The following WDR26 variants were observed in gnomAD, a reference collection of about 807,000 sequenced individuals.
WDR26 encodes the protein WD repeat-containing protein 26.
WDR26 carries 5 observed loss-of-function variants against 84.1 expected under a neutral mutation model. The ratio of observed to expected loss-of-function variants is 0.06; its 90% CI spans 0.03 to 0.13. WDR26 has a LOEUF of 0.13. Ranked by LOEUF, WDR26 falls within the 10% of genes least tolerant of loss-of-function variation. The probability of loss-of-function intolerance (pLI) is 1.00; values close to 1 mark genes in which losing one functional copy is unlikely to be tolerated. For synonymous variants in WDR26, 415 were observed against 389.6 expected (o/e 1.07, Z -0.77); for missense variants, 642 against 974.9 (o/e 0.66, Z 4.55).
At chr1:224,433,593 GCCC>G (rs929848020) in intron 1 of WDR26, 88 bp downstream of exon 1, 21 of 829,788 alleles carry the variant, frequency 2.5e-5, no homozygotes, top group Non-Finnish European at 1.8e-6. Flanking sequence ...GCTCTTTCAA[GCCC>G]CCCTCCCCCC....
At chr1:224,407,410 A>C in intron 7 of WDR26, among the ~76,000 whole-genome samples, 1 of 148,884 alleles carries the variant, frequency 6.7e-6, no homozygotes, top group East Asian at 1.9e-4. Context: ...TTGGAATCAC[A>C]TCAACTCAAA....
At chr1:224,417,033 A>ACTTTATCT (rs1353641355) in intron 6 of WDR26, among the ~76,000 whole-genome samples, 1 of 152,230 alleles carries the variant, frequency 6.6e-6, no homozygotes, top group Admixed American at 6.5e-5. Flanking sequence ...ATTTTAAGAT[A>ACTTTATCT]AAGTAAGGCC....
At chr1:224,391,363 C>CAAA (rs869213487) in intron 13 of WDR26, among the ~76,000 whole-genome samples, 4 of 89,118 alleles carry the variant, frequency 4.5e-5, no homozygotes, top group East Asian at 3.3e-4. Flanking sequence ...AACTCTGTCT[C>CAAA]AAAAAAAAAA....
In WDR26 at chr1:224,401,079, A is replaced by G. The variant is rs1673399712; in HGVS notation, c.1600-10T>C. ...TCCTTAGTTCTCCTGTCTATAAGGA[A>G]ATAAAACTGTAAATGAGACCTTCAA... On this transcript the variant is annotated splice_polypyrimidine_tract_variant and intron_variant, in intron 8 of 13. Transcript: ENST00000414423. 6.2e-7 allele frequency: 1 copy of G among 1,610,890 alleles called. No individual in the cohort carries two copies. Among genetic ancestry groups the G allele is most frequent in the South Asian group, 1.1e-5 (1 of 90,720 alleles).
chr1:224,410,093 C>T (rs914663329), intron 7 of WDR26, among the ~76,000 whole-genome samples: 3 of 151,718 alleles, frequency 2.0e-5, no homozygotes, highest in Admixed American at 2.0e-4. Flanking sequence ...CCAGTCTGGC[C>T]AACATGGTGA....
intron 6 of WDR26, among the ~76,000 whole-genome samples, chr1:224,415,820 T>C (rs1673887539): frequency 6.6e-6 from 1 of 152,074 alleles, no homozygotes; most frequent in South Asian, 2.1e-4. Flanking sequence ...TAGCCAGGAG[T>C]TAAACTAAGA....
chr1:224,434,756 T>C lies in WDR26; in HGVS notation c.-351A>G, dbSNP rs571156479. On this transcript the variant is annotated 5_prime_UTR_variant, in exon 1 of 14. Coordinates refer to ENST00000414423, the MANE Select transcript of WDR26 (RefSeq NM_001379403.1). ...CTCTGTCCTCGGATCCGCTCCGCTC[T>C]GCTCCCTGGTGTGTTGATTCTTCCC... 4.1e-6 allele frequency: 4 copies of C among 986,526 alleles called. No individual in the cohort carries two copies. The African/African-American group carries it at 5.2e-5, about 13-fold the overall frequency. The allele number at this position is 986,526 out of a possible 1,614,324, so 61.1% of individuals were successfully genotyped here.
intron 7 of WDR26, among the ~76,000 whole-genome samples, chr1:224,408,882 C>G (rs1236632057): frequency 6.6e-6 from 1 of 152,012 alleles, no homozygotes; most frequent in East Asian, 1.9e-4. Flanking sequence ...AACCTGAGAT[C>G]TACAAGAATG....
At chr1:224,391,312 G>A (rs1464392009) in intron 13 of WDR26, among the ~76,000 whole-genome samples, 2 of 140,332 alleles carry the variant, frequency 1.4e-5, no homozygotes, top group Admixed American at 7.7e-5. Context: ...GTGGTGAGCC[G>A]AGATTGCGCC....
chr1:224,412,426 A>G (rs1558431162), intron 6 of WDR26, among the ~76,000 whole-genome samples: 1 of 152,238 alleles, frequency 6.6e-6, no homozygotes, highest in African/African-American at 2.4e-5. Context: ...AACAAAGATT[A>G]AGGTATCTGC....
intron 6 of WDR26, among the ~76,000 whole-genome samples, chr1:224,417,892 C>A (rs1161881090): frequency 6.6e-6 from 1 of 152,162 alleles, no homozygotes; most frequent in East Asian, 1.9e-4. Flanking sequence ...AGCTGTTGTT[C>A]TAGCCATTTT....
At chr1:224,394,298 C>T (rs1040258707) in intron 12 of WDR26, among the ~76,000 whole-genome samples, 42 of 152,110 alleles carry the variant, frequency 2.8e-4, no homozygotes, top group African/African-American at 8.4e-4. Context: ...GGCCTTTGAA[C>T]ATAAACAAAT....
chr1:224,433,633 G>A lies in WDR26; in HGVS notation c.722+51C>T, dbSNP rs932795404. ...CCGCCCCTTCCCCTACCCCCCTGGA[G>A]CCTCCGTCCCTCGGTCTGTCCATCA... On this transcript the variant is annotated intron_variant, in intron 1 of 13. Coordinates refer to ENST00000414423, the MANE Select transcript of WDR26 (RefSeq NM_001379403.1). 38 of 1,286,662 alleles carry A rather than the reference G, an allele frequency of 3.0e-5. 1 individual carries two copies. In the South Asian group the frequency reaches 6.0e-4, roughly 20 times the overall value. The allele number at this position is 1,286,662 out of a possible 1,614,324, so 79.7% of individuals were successfully genotyped here.
chr1:224,434,091 C>T lies in WDR26; in HGVS notation c.315G>A (p.Gly105=). 6.9e-7 allele frequency: 1 copy of T among 1,441,368 alleles called. No individual in the cohort carries two copies. Among genetic ancestry groups the T allele is most frequent in the Non-Finnish European group, 9.1e-7 (1 of 1,102,834 alleles). The allele number at this position is 1,441,368 out of a possible 1,614,324, so 89.3% of individuals were successfully genotyped here. Residue 105 remains glycine, a synonymous_variant, in exon 1 of 14, where the codon GGG becomes GGA. Transcript: ENST00000414423. The stretch of plus-strand genomic sequence containing the variant: ...CGCCACCTCCTCCTCCTCCTCCTGC[C>T]CCATTGGCCTGCATGATGCTGCCGC...
chr1:224,434,738 C>G lies in WDR26; in HGVS notation c.-333G>C, dbSNP rs567442975. The G allele has an allele frequency of 5.1e-5, 50 of 986,616 alleles. No individual in the cohort carries two copies. In the South Asian group the frequency reaches 2.2e-3, roughly 43 times the overall value. The allele number at this position is 986,616 out of a possible 1,614,324, so 61.1% of individuals were successfully genotyped here. A position where few individuals can be genotyped will look rare whatever the true frequency, so the allele number is the denominator to read the frequency against. ...AGCGGAGGCAGCTGCCGCCTCTGTC[C>G]TCGGATCCGCTCCGCTCTGCTCCCT... is the stretch of plus-strand genomic sequence containing the variant. On this transcript the variant is annotated 5_prime_UTR_variant, in exon 1 of 14. Transcript: ENST00000414423.
At chr1:224,411,890 A>G (rs1673750771) in intron 6 of WDR26, among the ~76,000 whole-genome samples, 2 of 151,848 alleles carry the variant, frequency 1.3e-5, no homozygotes, top group Non-Finnish European at 2.9e-5. Context: ...TTTACTTGCT[A>G]CTGGGGAGGC....
chr1:224,397,198 C>A (rs1673290832), intron 12 of WDR26, among the ~76,000 whole-genome samples: 1 of 151,956 alleles, frequency 6.6e-6, no homozygotes, highest in Non-Finnish European at 1.5e-5. Flanking sequence ...GCCATGTTGC[C>A]CAGGTTGGTC....
At chr1:224,427,103 C>CTAAAAAAAAA (rs769063024) in intron 3 of WDR26, among the ~76,000 whole-genome samples, 13 of 91,110 alleles carry the variant, frequency 1.4e-4, no homozygotes, top group Non-Finnish European at 1.9e-4. Flanking sequence ...AACTCTGTCT[C>CTAAAAAAAAA]CAAAAAAAAA....
intron 3 of WDR26, among the ~76,000 whole-genome samples, chr1:224,428,431 T>A (rs1382738633): frequency 6.6e-6 from 1 of 152,208 alleles, no homozygotes; most frequent in Admixed American, 6.5e-5. Flanking sequence ...AACTCCTATT[T>A]GACTTTAAAA....
Sources: allele counts gnomAD v4.1 joint callset (sites outside exome capture counted in the v4.1 genomes callset), GRCh38; gene constraint gnomAD v4.1.1; transcripts MANE v1.5; gene names NCBI Gene and HGNC (gene_info 2026-07-23, HGNC 2026-07-21).